RECQL5: variants seen among roughly 807,000 people sequenced by gnomAD.
RECQL5 encodes the protein RecQ like helicase 5, also known as ATP-dependent DNA helicase Q5.
Under a neutral mutation model 103.4 loss-of-function variants are expected in RECQL5, and 88 were observed. The ratio of observed to expected loss-of-function variants is 0.85; its 90% confidence interval spans 0.72 to 1.02. The LOEUF is 1.02. RECQL5 is among the 50% of genes least tolerant of loss of function. The pLI is 0.00. For missense variants in RECQL5, 1,232 were observed against 1,284.3 expected (o/e 0.96, Z 0.62); for synonymous variants, 552 against 507.9 (o/e 1.09, Z -1.17).
At position 75,653,506 on chromosome 17, in the gene RECQL5, T is replaced by C. The variant is rs115402033; in HGVS notation, c.1150-2241A>G. On this transcript the variant is annotated intron_variant, in intron 7 of 19. Transcript: ENST00000317905. Reference sequence around the variant, plus strand: ...GAATCAACTAGCAGAATACTGAGCATTTGTGAGTGATGTGATTATTCATCA... The same window carrying C: ...GAATCAACTAGCAGAATACTGAGCACTTGTGAGTGATGTGATTATTCATCA... Among the ~76,000 whole-genome samples the C allele has an allele frequency of 7.4e-3, 1,124 of 152,312 alleles. 10 individuals are homozygous for C. Among genetic ancestry groups the C allele is most frequent in the African/African-American group, 0.026 (1,075 of 41,562 alleles).
At chr17:75,633,447 G>GAA in intron 8 of RECQL5, 1 of 1,289,078 alleles carries the variant, frequency 7.8e-7, no homozygotes, top group Non-Finnish European at 1.0e-6. Flanking sequence ...AGCCCCAGCA[G>GAA]AAGGCCCTCA....
chr17:75,645,569 C>T (rs1319070209), intron 8 of RECQL5, among the ~76,000 whole-genome samples: 1 of 152,244 alleles, frequency 6.6e-6, no homozygotes, highest in Non-Finnish European at 1.5e-5. Flanking sequence ...TCTTGATAAG[C>T]ATCTGACTTA....
At position 75,631,390 on chromosome 17, in the gene RECQL5, G is replaced by A. The variant is rs1053928441; in HGVS notation, c.1448+60C>T. On this transcript the variant is annotated intron_variant, in intron 9 of 19. Coordinates refer to ENST00000317905, the MANE Select transcript of RECQL5 (RefSeq NM_004259.7). ...TCGTGCCACCTCTGGTCTGGCCCTG[G>A]CGCCAAGGGAATGCCAGGCAATTCC... The A allele has an allele frequency of 1.0e-5, 16 of 1,577,616 alleles. No individual in the cohort carries two copies. The East Asian group carries it at 3.2e-4, about 31-fold the overall frequency.
At chr17:75,649,569 G>T in intron 8 of RECQL5, 1 of 950,446 alleles carries the variant, frequency 1.1e-6, no homozygotes, top group South Asian at 4.9e-5. Context: ...GGGATCGCTG[G>T]TGGGAGGCTG....
chr17:75,631,686 G>A lies in RECQL5; in HGVS notation c.1230-18C>T, dbSNP rs376862284. The A allele has an allele frequency of 2.4e-5, 38 of 1,606,236 alleles. No individual in the cohort carries two copies. Among genetic ancestry groups the A allele is most frequent in the South Asian group, 5.5e-5 (5 of 90,836 alleles). On this transcript the variant is annotated intron_variant, in intron 8 of 19. Coordinates refer to ENST00000317905, the MANE Select transcript of RECQL5 (RefSeq NM_004259.7). ...GGCGGCACCTGGAGCAGGCAGCACC[G>A]CAGAGGTGAGGGGCGGAGAGCCCAG...
At chr17:75,662,026 T>A (rs760246119) in intron 4 of RECQL5, among the ~76,000 whole-genome samples, 2 of 152,130 alleles carry the variant, frequency 1.3e-5, no homozygotes, top group African/African-American at 2.4e-5. Flanking sequence ...CCGGGAGTGG[T>A]GGCGCATGCC....
chr17:75,631,279 G>A (rs1456493700), intron 9 of RECQL5, 30 bp from the exon 10 acceptor site: 3 of 1,604,032 alleles, frequency 1.9e-6, no homozygotes, highest in South Asian at 1.1e-5. Context: ...GAGTGGCCCT[G>A]GCCTGGGCTC....
At chr17:75,653,527 C>T (rs982957879) in intron 7 of RECQL5, among the ~76,000 whole-genome samples, 7 of 152,192 alleles carry the variant, frequency 4.6e-5, no homozygotes, top group African/African-American at 1.7e-4. Flanking sequence ...TGTGATTATT[C>T]ATCAGCGGCC....
chr17:75,647,355 T>C, intron 8 of RECQL5: 1 of 1,538,188 alleles, frequency 6.5e-7, no homozygotes, highest in East Asian at 2.4e-5. Flanking sequence ...TCAGGTCCTC[T>C]GTCCCTCTTT....
intron 8 of RECQL5, chr17:75,633,640 T>C: frequency 8.5e-7 from 1 of 1,181,918 alleles, no homozygotes. Context: ...TTACTGTTGT[T>C]CCTGAGAGAG....
rs186104102 is a variant in RECQL5, at chr17:75,634,462, C to T, written c.1230-2794G>A. 2.8e-4 allele frequency among the ~76,000 whole-genome samples: 42 copies of T among 152,308 alleles called. No individual in the cohort carries two copies. The East Asian group carries it at 6.7e-3, about 24-fold the overall frequency. On this transcript the variant is annotated intron_variant, in intron 8 of 19. Transcript: ENST00000317905. ...CGCCTGCTGTGCAGCAGAGGGGCCC[C>T]GAGGGCCTGCTTATTCTGCAAGTTC...
intron 6 of RECQL5, among the ~76,000 whole-genome samples, chr17:75,660,484 A>G (rs543144782): frequency 6.6e-6 from 1 of 152,350 alleles, no homozygotes; most frequent in South Asian, 2.1e-4. Flanking sequence ...CTAGGCTGTA[A>G]ACATGTATCG....
chr17:75,651,540 C>G (rs992602017), intron 7 of RECQL5, among the ~76,000 whole-genome samples: 6 of 152,184 alleles, frequency 3.9e-5, no homozygotes, highest in Non-Finnish European at 2.9e-5. Context: ...AGAAGAATCA[C>G]TTGAACCCAG....
At chr17:75,635,404 CAG>C (rs1024480389) in intron 8 of RECQL5, among the ~76,000 whole-genome samples, 11 of 152,210 alleles carry the variant, frequency 7.2e-5, no homozygotes, top group Non-Finnish European at 1.0e-4. Flanking sequence ...CTCTCCAACA[CAG>C]TCCCTGAACC....
In RECQL5 at chr17:75,640,222, G is replaced by A. The variant is rs759217824; in HGVS notation, c.1230-8554C>T. On this transcript the variant is annotated intron_variant, in intron 8 of 19. Transcript: ENST00000317905. This position sits in a 1 kb window ranked among gnomAD's most constrained non-coding sequence, Gnocchi z 4.6. ...GCGGCATGGCTGCCACCGACTTCGT[G>A]CAGGAGATGCGCGCCGTGGGCGAGA... 5.2e-6 allele frequency: 8 copies of A among 1,550,386 alleles called. No individual in the cohort carries two copies. The highest frequency in any genetic ancestry group is 4.4e-6 in the Non-Finnish European group (5 of 1,146,618).
intron 8 of RECQL5, among the ~76,000 whole-genome samples, chr17:75,642,416 C>T (rs990420921): frequency 4.8e-4 from 73 of 152,232 alleles, no homozygotes; most frequent in African/African-American, 1.7e-3. Context: ...CACACCCCCG[C>T]CATTTCCAGC....
At chr17:75,657,918 T>C (rs1174328194) in intron 7 of RECQL5, among the ~76,000 whole-genome samples, 3 of 151,900 alleles carry the variant, frequency 2.0e-5, no homozygotes, top group Non-Finnish European at 2.9e-5. Context: ...CATGGTGGCA[T>C]GCACCTGTAA....
chr17:75,630,483 A>G, intron 13 of RECQL5, 136 bp downstream of exon 13: 1 of 1,019,086 alleles, frequency 9.8e-7, no homozygotes, highest in Non-Finnish European at 1.5e-6. Flanking sequence ...GTGGGGTTGT[A>G]GGGGCAGTCC....
At chr17:75,657,774 G>C (rs1237841679) in intron 7 of RECQL5, among the ~76,000 whole-genome samples, 16 of 150,934 alleles carry the variant, frequency 1.1e-4, no homozygotes, top group Non-Finnish European at 1.8e-4. Flanking sequence ...AAAAAGGTGG[G>C]CACAGTGGCT....
Sources: allele counts gnomAD v4.1 joint callset (sites outside exome capture counted in the v4.1 genomes callset), GRCh38; gene constraint gnomAD v4.1.1; non-coding constraint Gnocchi (gnomAD v3.1); transcripts MANE v1.5; gene names NCBI Gene and HGNC (gene_info 2026-07-23, HGNC 2026-07-21).